Variants in ANK2 observed in about 807,000 individuals in gnomAD.
ANK2 encodes the protein ankyrin 2, also known as ankyrin-2.
In ANK2, 83 loss-of-function variants were observed where a neutral mutation model predicts 360.5. That is an observed-to-expected ratio of 0.23 (90% confidence interval 0.19 to 0.28). The LOEUF (loss-of-function observed/expected upper bound fraction) is 0.28, where lower values mean the gene tolerates loss of function less well. Among genes scored for constraint, ANK2 ranks in the 10% least tolerant of loss-of-function variants. The probability of loss-of-function intolerance (pLI) is 1.00; values close to 1 mark genes in which losing one functional copy is unlikely to be tolerated. For missense variants in ANK2, 4,201 were observed against 4,795.7 expected (o/e 0.88, Z 3.66); for synonymous variants, 1,740 against 1,759.5 (o/e 0.99, Z 0.28).
At chr4:112,904,747 T>A (rs1000652878) in intron 2 of ANK2, among the ~76,000 whole-genome samples, 1 of 152,134 alleles carries the variant, frequency 6.6e-6, no homozygotes, top group Non-Finnish European at 1.5e-5. Flanking sequence ...GTAAATAGAT[T>A]GTCTCTTCCT....
intron 2 of ANK2, among the ~76,000 whole-genome samples, chr4:113,189,678 T>C (rs951093314): frequency 2.0e-5 from 3 of 152,316 alleles, no homozygotes; most frequent in African/African-American, 7.2e-5. Flanking sequence ...ATTTCTTTAG[T>C]TCTAGCCTCC....
At chr4:112,842,905 C>G (rs916353432) in intron 1 of ANK2, among the ~76,000 whole-genome samples, 4 of 152,226 alleles carry the variant, frequency 2.6e-5, no homozygotes, top group African/African-American at 9.6e-5. Context: ...AAGCGAGGTG[C>G]CCGCAGGGCT....
chr4:112,821,653 C>A (rs1226628003), intron 1 of ANK2, among the ~76,000 whole-genome samples: 4 of 151,790 alleles, frequency 2.6e-5, no homozygotes, highest in Non-Finnish European at 5.9e-5. Context: ...TAGGCAAGCA[C>A]CACTATGCTG....
Position 113,343,087 on chromosome 4 carries a change from A to G in ANK2, c.4193A>G (p.His1398Arg), listed in dbSNP as rs1389326153. The stretch of plus-strand genomic sequence containing the variant: ...GTACCATTAACTAAAAGTGGCCAGC[A>G]TCATATATTCAGTTTTTTTGCCTTC... ...NLVPLTKSGQ[H>R]HIFSFFAFKE... Residue 1398 changes from histidine to arginine, a missense_variant, in exon 34 of 46, where the codon CAT (histidine) becomes CGT (arginine). Physicochemically the swap from His to Arg is conservative, Grantham distance 29. Coordinates refer to ENST00000357077, the MANE Select transcript of ANK2 (RefSeq NM_001148.6). The G allele has an allele frequency of 2.5e-6, 4 of 1,613,910 alleles. No homozygotes were observed. Among genetic ancestry groups the G allele is most frequent in the African/African-American group, 1.3e-5 (1 of 75,062 alleles).
At chr4:112,852,005 C>A (rs984529915) in intron 1 of ANK2, among the ~76,000 whole-genome samples, 2 of 152,262 alleles carry the variant, frequency 1.3e-5, no homozygotes, top group African/African-American at 4.8e-5. Flanking sequence ...GCCTAAGCAC[C>A]CTAAATAGGT....
At chr4:112,830,877 G>T (rs2059561671) in intron 1 of ANK2, among the ~76,000 whole-genome samples, 1 of 152,182 alleles carries the variant, frequency 6.6e-6, no homozygotes. Flanking sequence ...GGTGGGCACG[G>T]GCTTGGTGGG....
intron 1 of ANK2, among the ~76,000 whole-genome samples, chr4:112,857,310 A>C (rs1199674942): frequency 6.6e-6 from 1 of 152,234 alleles, no homozygotes; most frequent in Non-Finnish European, 1.5e-5. Context: ...AAACTATTCT[A>C]AGACTTGTTG....
intron 4 of ANK2, among the ~76,000 whole-genome samples, chr4:113,207,539 G>A (rs1297271445): frequency 2.0e-5 from 3 of 152,064 alleles, no homozygotes; most frequent in Non-Finnish European, 4.4e-5. Flanking sequence ...AAGCTACTCT[G>A]GTAGTAAATG....
At chr4:112,750,948 A>G in the ANK2 span, among the ~76,000 whole-genome samples, 1 of 152,136 alleles carries the variant, frequency 6.6e-6, no homozygotes, top group South Asian at 2.1e-4. Context: ...GCTGGCCTCG[A>G]ACTCCTGACC....
At position 113,119,585 on chromosome 4, in the gene ANK2, A is replaced by G. The variant is rs537237594; in HGVS notation, c.85-54831A>G. On this transcript the variant is annotated intron_variant, in intron 1 of 45. Transcript: ENST00000357077. ...ACCATCTGCAGAAAGTAATTTTAAAATTATCATCGTTTATTTGCTGATGCC... is the reference window on the plus strand; with the variant it reads ...ACCATCTGCAGAAAGTAATTTTAAAGTTATCATCGTTTATTTGCTGATGCC... Among the ~76,000 whole-genome samples the G allele has an allele frequency of 2.0e-5, 3 of 152,278 alleles. No individual in the cohort carries two copies. In the South Asian group the frequency reaches 6.2e-4, roughly 32 times the overall value.
At chr4:112,768,683 C>A in the ANK2 span, among the ~76,000 whole-genome samples, 1 of 151,636 alleles carries the variant, frequency 6.6e-6, no homozygotes, top group Non-Finnish European at 1.5e-5. Flanking sequence ...AACAAACAAA[C>A]AAAAAACTCA....
the ANK2 span, among the ~76,000 whole-genome samples, chr4:112,757,134 CG>C: frequency 5.8e-5 from 7 of 121,696 alleles, no homozygotes; most frequent in Non-Finnish European, 3.4e-5. Context: ...TTTTTTGATA[CG>C]GAGTTTTGCT....
intron 1 of ANK2, among the ~76,000 whole-genome samples, chr4:113,092,331 A>G (rs2088740836): frequency 6.6e-6 from 1 of 152,236 alleles, no homozygotes; most frequent in Non-Finnish European, 1.5e-5. Flanking sequence ...GAACCATATA[A>G]ACACAAGGCA....
chr4:113,193,541 T>G (rs1195491257), intron 2 of ANK2, among the ~76,000 whole-genome samples: 1 of 152,220 alleles, frequency 6.6e-6, no homozygotes, highest in African/African-American at 2.4e-5. Context: ...TCATTTTCAT[T>G]TTTAATTGGA....
chr4:112,808,999 C>A, the ANK2 span, among the ~76,000 whole-genome samples: 1 of 151,858 alleles, frequency 6.6e-6, no homozygotes, highest in East Asian at 2.0e-4. Flanking sequence ...GCTGGGATTA[C>A]AGGTGTGTGC....
chr4:112,956,284 T>G (rs1276164569), intron 2 of ANK2, among the ~76,000 whole-genome samples: 1 of 152,248 alleles, frequency 6.6e-6, no homozygotes, highest in African/African-American at 2.4e-5. Flanking sequence ...AAATTTCATT[T>G]TCCTTCTTCA....
At chr4:113,370,558 G>A (rs1478718354) in intron 43 of ANK2, among the ~76,000 whole-genome samples, 1 of 152,072 alleles carries the variant, frequency 6.6e-6, no homozygotes, top group African/African-American at 2.4e-5. Context: ...AGGAGATCGA[G>A]ACCATCCTGG....
chr4:112,756,108 G>A, the ANK2 span, among the ~76,000 whole-genome samples: 3 of 151,816 alleles, frequency 2.0e-5, no homozygotes, highest in Middle Eastern at 3.2e-3. Context: ...GTGTGGTGGC[G>A]GGTGCCTGTA....
At chr4:113,137,315 A>G (rs969251345) in intron 1 of ANK2, among the ~76,000 whole-genome samples, 1 of 152,202 alleles carries the variant, frequency 6.6e-6, no homozygotes, top group Non-Finnish European at 1.5e-5. Context: ...GACCTAAAAT[A>G]GTGGCAAAGG....
Sources: gnomAD v4.1 joint callset for allele counts (sites outside exome capture counted in the v4.1 genomes callset) on GRCh38, gnomAD v4.1.1 for gene constraint, MANE v1.5 for transcripts, NCBI Gene and HGNC (gene_info 2026-07-23, HGNC 2026-07-21) for gene names.